The following CTNNA1 variants were observed in gnomAD, a reference collection of about 807,000 sequenced individuals.
The protein encoded by CTNNA1 is catenin alpha-1.
A neutral mutation model predicts 98.4 loss-of-function variants in CTNNA1; 37 were observed. The ratio of observed to expected loss-of-function variants is 0.38; its 90% CI spans 0.29 to 0.49. The LOEUF (loss-of-function observed/expected upper bound fraction) is 0.49, where lower values mean the gene tolerates loss of function less well. Among genes scored for constraint, CTNNA1 ranks in the 20% least tolerant of loss-of-function variants. The pLI, the probability that CTNNA1 is intolerant of heterozygous loss-of-function variation, is 0.95. For missense variants in CTNNA1, 761 were observed against 1,147.2 expected (o/e 0.66, Z 4.86); for synonymous variants, 404 against 413.2 (o/e 0.98, Z 0.27).
chr5:138,931,024 C>A, intron 16 of CTNNA1, 89 bp downstream of exon 16: 1 of 781,958 alleles, frequency 1.3e-6, no homozygotes, highest in South Asian at 1.4e-5. Flanking sequence ...GTTTCATGGG[C>A]CACAGCACTT....
intron 7 of CTNNA1, among the ~76,000 whole-genome samples, chr5:138,861,849 C>T (rs1415630147): frequency 2.0e-5 from 3 of 152,050 alleles, no homozygotes; most frequent in East Asian, 1.9e-4. Flanking sequence ...ATTTCCAAAT[C>T]GTGTAGATTA....
At chr5:138,764,615 G>A (rs1188352229) in intron 1 of CTNNA1, among the ~76,000 whole-genome samples, 3 of 151,668 alleles carry the variant, frequency 2.0e-5, no homozygotes, top group Non-Finnish European at 2.9e-5. Context: ...GGGATTACAG[G>A]CATGCACCAC....
Position 138,917,838 on chromosome 5 carries a change from C to T in CTNNA1, c.1486C>T (p.Arg496Cys), listed in dbSNP as rs754789006. ...TAAAGAACAATGGGAAAAACAAGTC[C>T]GTGTTCTCACAGATGCTGTCGATGA... ...LFKEQWEKQV[R>C]VLTDAVDDIT... is the part of the protein sequence containing the mutation. The change falls in exon 11 of 18, where the codon CGT becomes TGT. Residue 496 changes from arginine to cysteine, a missense_variant. By Grantham distance (180) the Arg-to-Cys change is radical (BLOSUM62 -3). This residue lies in a region of CTNNA1 where 287 missense variants were observed against 436.0 expected (regional missense o/e 0.66). Coordinates refer to ENST00000302763, the MANE Select transcript of CTNNA1 (RefSeq NM_001903.5). 12 of 1,614,032 alleles carry T rather than the reference C, an allele frequency of 7.4e-6. No individual in the cohort carries two copies. The highest frequency in any genetic ancestry group is 5.3e-5 in the African/African-American group (4 of 74,898).
At chr5:138,845,129 T>A (rs1762597515) in intron 7 of CTNNA1, among the ~76,000 whole-genome samples, 1 of 152,246 alleles carries the variant, frequency 6.6e-6, no homozygotes. Flanking sequence ...GTTATTTTTG[T>A]GTCATAAAAT....
chr5:138,808,695 T>TAA (rs3840113), intron 3 of CTNNA1, among the ~76,000 whole-genome samples: 6,770 of 146,786 alleles, frequency 0.046, 451 homozygotes, highest in African/African-American at 0.15. Flanking sequence ...GAAAGTGCCT[T>TAA]AAAAAAAAAA....
intron 3 of CTNNA1, among the ~76,000 whole-genome samples, chr5:138,795,420 G>A (rs1419177717): frequency 1.3e-5 from 2 of 151,784 alleles, no homozygotes; most frequent in East Asian, 1.9e-4. Context: ...ATTGTGCCAC[G>A]GCACTCCAGC....
intron 9 of CTNNA1, among the ~76,000 whole-genome samples, chr5:138,895,733 A>T (rs1016461263): frequency 2.0e-5 from 3 of 152,172 alleles, no homozygotes; most frequent in Non-Finnish European, 4.4e-5. Context: ...TATAATGTAT[A>T]TATTTTTTAC....
chr5:138,883,964 A>G (rs911732994), intron 7 of CTNNA1, among the ~76,000 whole-genome samples: 5 of 152,246 alleles, frequency 3.3e-5, no homozygotes, highest in African/African-American at 1.2e-4. Context: ...AACAAGAAAG[A>G]GTCAAACTCT....
chr5:138,895,534 G>A (rs748648938), intron 9 of CTNNA1, among the ~76,000 whole-genome samples: 6 of 151,696 alleles, frequency 4.0e-5, no homozygotes, highest in Non-Finnish European at 8.8e-5. Context: ...CTAGAATGAA[G>A]CTTTCAAAAA....
At chr5:138,808,923 T>C (rs928166050) in intron 3 of CTNNA1, among the ~76,000 whole-genome samples, 2 of 152,114 alleles carry the variant, frequency 1.3e-5, no homozygotes. Flanking sequence ...GTAAATAATT[T>C]TAAGACACAA....
chr5:138,897,724 C>G (rs1406609074), intron 9 of CTNNA1, among the ~76,000 whole-genome samples: 1 of 151,964 alleles, frequency 6.6e-6, no homozygotes, highest in Non-Finnish European at 1.5e-5. Context: ...AAGTTCAGAC[C>G]CTTACTTTTG....
At chr5:138,894,152 C>G (rs1756166546) in intron 9 of CTNNA1, among the ~76,000 whole-genome samples, 1 of 151,744 alleles carries the variant, frequency 6.6e-6, no homozygotes, top group Non-Finnish European at 1.5e-5. Context: ...CTCCTGACCT[C>G]AGGTGATCCA....
At chr5:138,802,293 TAGAC>T (rs1757657633) in intron 3 of CTNNA1, among the ~76,000 whole-genome samples, 1 of 152,186 alleles carries the variant, frequency 6.6e-6, no homozygotes, top group Non-Finnish European at 1.5e-5. Context: ...ACATTTATAA[TAGAC>T]AATAAAGGAA....
intron 9 of CTNNA1, among the ~76,000 whole-genome samples, chr5:138,888,436 A>T (rs1449674317): frequency 6.6e-6 from 1 of 152,238 alleles, no homozygotes; most frequent in African/African-American, 2.4e-5. Context: ...AAGATATTCC[A>T]TATACCATAT....
intron 1 of CTNNA1, chr5:138,754,646 C>T (rs1751423544): frequency 6.6e-6 from 1 of 152,124 alleles, no homozygotes; most frequent in Non-Finnish European, 1.5e-5. Context: ...CTTTAAGGAA[C>T]GGAATTTATA....
intron 5 of CTNNA1, among the ~76,000 whole-genome samples, chr5:138,822,039 G>A (rs1194295783): frequency 6.6e-6 from 1 of 152,122 alleles, no homozygotes; most frequent in African/African-American, 2.4e-5. Context: ...TTAGCAGTCA[G>A]GACAAATGAT....
At chr5:138,796,793 G>GT (rs1757028161) in intron 3 of CTNNA1, among the ~76,000 whole-genome samples, 2 of 152,252 alleles carry the variant, frequency 1.3e-5, no homozygotes, top group East Asian at 3.9e-4. Context: ...GCGCAGGGCT[G>GT]TTTTTGCTGG....
At chr5:138,843,276 G>A (rs1762421079) in intron 7 of CTNNA1, among the ~76,000 whole-genome samples, 1 of 152,126 alleles carries the variant, frequency 6.6e-6, no homozygotes, top group Non-Finnish European at 1.5e-5. Flanking sequence ...AGTTCATTTA[G>A]TATTCTCAAT....
intron 9 of CTNNA1, among the ~76,000 whole-genome samples, chr5:138,893,923 A>G (rs564968852): frequency 1.6e-5 from 2 of 128,858 alleles, no homozygotes; most frequent in Admixed American, 1.6e-4. Context: ...CGCCTGGCCT[A>G]TTTATTTTTT....
Sources: gnomAD v4.1 joint callset for allele counts (sites outside exome capture counted in the v4.1 genomes callset) on GRCh38, gnomAD v4.1.1 for gene constraint, gnomAD v4.1.1 regional missense constraint, MANE v1.5 for transcripts, NCBI Gene and HGNC (gene_info 2026-07-23, HGNC 2026-07-21) for gene names.